COL4A3: variants seen among roughly 807,000 people sequenced by gnomAD.
The protein encoded by COL4A3 is collagen alpha-3(IV) chain.
COL4A3 carries 135 observed loss-of-function variants against 217.4 expected under a neutral mutation model. The observed-to-expected ratio is 0.62, with a 90% CI of 0.54 to 0.72. The LOEUF is 0.72. Ranked by LOEUF, COL4A3 falls within the 30% of genes least tolerant of loss-of-function variation. The pLI, the probability that COL4A3 is intolerant of heterozygous loss-of-function variation, is 0.00. For missense variants in COL4A3, 1,868 were observed against 2,119.9 expected, an observed-to-expected ratio of 0.88 and a Z score of 2.33; for synonymous variants, 690 against 736.3, an observed-to-expected ratio of 0.94 and a Z score of 1.02.
intron 1 of COL4A3, among the ~76,000 whole-genome samples, chr2:227,227,273 C>T (rs746906146): frequency 1.3e-5 from 2 of 152,174 alleles, no homozygotes; most frequent in Non-Finnish European, 2.9e-5. Context: ...CCTCCTCCCC[C>T]AGTGCCTTGT....
chr2:227,275,845 G>A (rs1225904680), intron 26 of COL4A3, among the ~76,000 whole-genome samples: 3 of 151,726 alleles, frequency 2.0e-5, no homozygotes, highest in Non-Finnish European at 2.9e-5. Context: ...TATCCTATCA[G>A]TATTCACCAA....
At chr2:227,205,259 G>A (rs1205086571) in intron 1 of COL4A3, among the ~76,000 whole-genome samples, 1 of 151,926 alleles carries the variant, frequency 6.6e-6, no homozygotes, top group African/African-American at 2.4e-5. Context: ...AGCTCATTTT[G>A]GCTACCCTAT....
At chr2:227,268,826 T>C (rs1373661091) in intron 23 of COL4A3, 3 of 152,130 alleles carry the variant, frequency 2.0e-5, no homozygotes, top group Non-Finnish European at 4.4e-5. Flanking sequence ...GGAGGAAAAA[T>C]AATAAAAGAT....
At chr2:227,219,596 T>C (rs1559837486) in intron 1 of COL4A3, among the ~76,000 whole-genome samples, 1 of 152,214 alleles carries the variant, frequency 6.6e-6, no homozygotes. Context: ...CCCAGAGATG[T>C]AGCTTACATT....
intron 38 of COL4A3, chr2:227,293,855 ATCT>A (rs2072899934): frequency 2.2e-6 from 1 of 457,648 alleles, no homozygotes; most frequent in Admixed American, 2.5e-5. Flanking sequence ...AAGTGTCTGA[ATCT>A]TCTTTTCTTA....
At chr2:227,209,671 C>T (rs1574576954) in intron 1 of COL4A3, among the ~76,000 whole-genome samples, 3 of 152,274 alleles carry the variant, frequency 2.0e-5, no homozygotes. Context: ...GAAACCCCAT[C>T]TCTACTAAAA....
At chr2:227,235,964 G>A (rs1054269760) in intron 1 of COL4A3, among the ~76,000 whole-genome samples, 1 of 151,926 alleles carries the variant, frequency 6.6e-6, no homozygotes, top group Non-Finnish European at 1.5e-5. Flanking sequence ...AGTAGAGATG[G>A]GGTTTTGCCA....
At chr2:227,213,467 T>C (rs1260433124) in intron 1 of COL4A3, among the ~76,000 whole-genome samples, 1 of 152,134 alleles carries the variant, frequency 6.6e-6, no homozygotes, top group African/African-American at 2.4e-5. Context: ...TATCTAAAAA[T>C]GTAAAGCCAT....
intron 32 of COL4A3, 121 bp from the exon 33 acceptor site, chr2:227,283,646 A>C: frequency 1.2e-6 from 1 of 826,862 alleles, no homozygotes; most frequent in Admixed American, 1.9e-5. Flanking sequence ...TACTATGTAC[A>C]GAGGCCATTT....
chr2:227,194,199 A>G (rs112010078), intron 1 of COL4A3, among the ~76,000 whole-genome samples: 199 of 152,344 alleles, frequency 1.3e-3, no homozygotes, highest in African/African-American at 4.6e-3. Flanking sequence ...GAAACCCACG[A>G]CACACTCACA....
chr2:227,204,867 A>G (rs182751144), intron 1 of COL4A3, among the ~76,000 whole-genome samples: 1 of 152,350 alleles, frequency 6.6e-6, no homozygotes, highest in East Asian at 1.9e-4. Flanking sequence ...CAATCTTCCA[A>G]ATGTTTAATG....
At chr2:227,277,348 CA>C in intron 27 of COL4A3, 100 bp from the exon 28 acceptor site, 1 of 737,470 alleles carries the variant, frequency 1.4e-6, no homozygotes, top group South Asian at 1.7e-5. Flanking sequence ...AAACAATGTG[CA>C]AAAGGGATAG....
In COL4A3 at chr2:227,204,317, G is replaced by A. The variant is rs868554878; in HGVS notation, c.88-33651G>A. On this transcript the variant is annotated intron_variant, in intron 1 of 51. Transcript: ENST00000396578. Reference sequence around the variant, plus strand: ...CAATAAATCTAAGCTGCTACTTTTAGCTGCCACCTGGTACTGCTTCTATTG... The same window carrying A: ...CAATAAATCTAAGCTGCTACTTTTAACTGCCACCTGGTACTGCTTCTATTG... 1.3e-4 allele frequency among the ~76,000 whole-genome samples: 20 copies of A among 152,210 alleles called. No individual in the cohort carries two copies. The South Asian group carries it at 3.5e-3, about 27-fold the overall frequency.
intron 34 of COL4A3, 127 bp downstream of exon 34, chr2:227,284,472 C>A: frequency 9.3e-7 from 1 of 1,072,928 alleles, no homozygotes; most frequent in Non-Finnish European, 1.4e-6. Flanking sequence ...CTGCCCATCA[C>A]ACAGCCGGTT....
At chr2:227,274,541 C>G (rs2071443678) in intron 26 of COL4A3, among the ~76,000 whole-genome samples, 1 of 151,858 alleles carries the variant, frequency 6.6e-6, no homozygotes, top group Non-Finnish European at 1.5e-5. Flanking sequence ...CTCTGTCGCC[C>G]AGGCTGGAGA....
Position 227,311,904 on chromosome 2 carries a change from T to A in COL4A3, c.*34T>A, listed in dbSNP as rs1484220678. 2 of 1,612,620 alleles carry A rather than the reference T, an allele frequency of 1.2e-6. No individual in the cohort carries two copies. Among genetic ancestry groups the A allele is most frequent in the Non-Finnish European group, 1.7e-6 (2 of 1,179,236 alleles). On this transcript the variant is annotated 3_prime_UTR_variant, in exon 52 of 52. Transcript: ENST00000396578. The stretch of plus-strand genomic sequence containing the variant: ...AAGACAGCAGAACTGCTATTTTTCA[T>A]CCTAAAGAACAAAGTAATGACAGAA...
intron 22 of COL4A3, 69 bp downstream of exon 22, chr2:227,266,578 C>A: frequency 8.1e-7 from 1 of 1,233,332 alleles, no homozygotes; most frequent in Non-Finnish European, 1.2e-6. Context: ...CTGATTTTTC[C>A]CCCTGAGATA....
rs1401112697 is a variant in COL4A3, at chr2:227,307,870, T to G, written c.4413T>G (p.Phe1471Leu). The G allele has an allele frequency of 6.2e-7, 1 of 1,614,146 alleles. No homozygotes were observed. Among genetic ancestry groups the G allele is most frequent in the Admixed American group, 1.7e-5 (1 of 60,016 alleles). Reference sequence around the variant, plus strand: ...GGACAGTGCCACTCTACAGTGGGTTTTCTTTTCTTTTTGTACAAGGAAATC... The same window carrying G: ...GGACAGTGCCACTCTACAGTGGGTTGTCTTTTCTTTTTGTACAAGGAAATC... ...PEGTVPLYSG[F>L]SFLFVQGNQR... Residue 1471 changes from phenylalanine (F) to leucine (L), a missense_variant, in exon 48 of 52, where the codon TTT becomes TTG. By Grantham distance (22) the Phe-to-Leu change is conservative. Transcript: ENST00000396578.
Position 227,245,987 on chromosome 2 carries a change from G to A in COL4A3, c.358G>A (p.Val120Ile). The A allele has an allele frequency of 6.2e-7, 1 of 1,613,904 alleles. No individual in the cohort carries two copies. The highest frequency in any genetic ancestry group is 8.5e-7 in the Non-Finnish European group (1 of 1,179,832). ...TPGNTGPYGLVGVPGCSGSKG... is the reference protein window; with the variant it reads ...TPGNTGPYGLIGVPGCSGSKG... ...AGGCAATACCGGGCCTTACGGACTT[G>A]TCGGTGTACCAGGATGCAGTGGTTC... Residue 120 changes from valine (V) to isoleucine (I), a missense_variant, in exon 6 of 52, where the codon GTC becomes ATC. By Grantham distance (29) the Val-to-Ile change is conservative. Coordinates refer to ENST00000396578, the MANE Select transcript of COL4A3 (RefSeq NM_000091.5).
Sources: gnomAD v4.1 joint callset for allele counts (sites outside exome capture counted in the v4.1 genomes callset) on GRCh38, gnomAD v4.1.1 for gene constraint, MANE v1.5 for transcripts, NCBI Gene and HGNC (gene_info 2026-07-23, HGNC 2026-07-21) for gene names.